Variants in COLEC12 observed in about 807,000 individuals in gnomAD.
COLEC12 encodes collectin subfamily member 12, also known as collectin-12.
A neutral mutation model predicts 71.1 loss-of-function variants in COLEC12; 33 were observed. That is an observed-to-expected ratio of 0.46 (90% confidence interval 0.35 to 0.62). The LOEUF (loss-of-function observed/expected upper bound fraction) is 0.62. Ranked by LOEUF, COLEC12 falls within the 20% of genes least tolerant of loss-of-function variation. The pLI, the probability that COLEC12 is intolerant of heterozygous loss-of-function variation, is 0.00. For synonymous variants in COLEC12, 350 were observed against 353.0 expected (o/e 0.99, Z 0.10); for missense variants, 765 against 916.1 (o/e 0.84, Z 2.13).
Position 346,148 on chromosome 18 carries a change from C to G in COLEC12, c.1327+147G>C. The stretch of plus-strand genomic sequence containing the variant: ...CCTCATGAAAAACAGTGAGTCAGGA[C>G]CATCTAGCTAAGCTGCTCTTGAATT... On this transcript the variant is annotated intron_variant, in intron 5 of 9. Transcript: ENST00000400256. This position sits in a 1 kb window ranked among gnomAD's most constrained non-coding sequence, Gnocchi z 4.0. 1 of 638,708 alleles carries G rather than the reference C, an allele frequency of 1.6e-6. No individual in the cohort carries two copies. The allele number at this position is 638,708 out of a possible 1,614,324, so 39.6% of individuals were successfully genotyped here.
intron 2 of COLEC12, among the ~76,000 whole-genome samples, chr18:383,298 G>A (rs1915274208): frequency 6.6e-6 from 1 of 152,196 alleles, no homozygotes; most frequent in Non-Finnish European, 1.5e-5. Context: ...GTAGTAGCAT[G>A]AGTAAGAGTT....
intron 2 of COLEC12, among the ~76,000 whole-genome samples, chr18:454,461 C>T (rs1479493223): frequency 2.0e-5 from 3 of 152,192 alleles, no homozygotes; most frequent in Non-Finnish European, 4.4e-5. Flanking sequence ...GCAGGTGAAT[C>T]ACCTGAGGTC....
chr18:367,723 G>A (rs755383257), intron 2 of COLEC12, among the ~76,000 whole-genome samples: 7 of 152,182 alleles, frequency 4.6e-5, no homozygotes, highest in Admixed American at 1.3e-4. Flanking sequence ...ATTGGCCCAC[G>A]ACGCCTGTGA....
intron 1 of COLEC12, among the ~76,000 whole-genome samples, chr18:487,395 A>C (rs9941418): frequency 0.29 from 44,244 of 152,160 alleles, 7,145 homozygotes; most frequent in Middle Eastern, 0.38. Flanking sequence ...AATTGATTAT[A>C]ATGATGAATA....
intron 8 of COLEC12, among the ~76,000 whole-genome samples, chr18:322,718 G>T (rs925778620): frequency 3.3e-5 from 5 of 152,118 alleles, no homozygotes; most frequent in African/African-American, 1.2e-4. Flanking sequence ...CTGCAGCGGA[G>T]GGTGCTTCCT....
chr18:398,387 C>G (rs1368048850), intron 2 of COLEC12, among the ~76,000 whole-genome samples: 1 of 152,206 alleles, frequency 6.6e-6, no homozygotes, highest in Admixed American at 6.5e-5. Context: ...TGAAAGGAAC[C>G]AGCAGCAAAT....
At chr18:465,994 G>A (rs1402081287) in intron 2 of COLEC12, among the ~76,000 whole-genome samples, 1 of 152,280 alleles carries the variant, frequency 6.6e-6, no homozygotes, top group Non-Finnish European at 1.5e-5. Flanking sequence ...CTTGAACCCA[G>A]GAGGTGGAGG....
intron 5 of COLEC12, among the ~76,000 whole-genome samples, chr18:339,273 A>G (rs535181870): frequency 6.2e-4 from 95 of 152,042 alleles, no homozygotes; most frequent in African/African-American, 2.3e-3. Context: ...CATTCATCCT[A>G]TTTCTTTCTG....
At chr18:425,802 G>C (rs981209348) in intron 2 of COLEC12, among the ~76,000 whole-genome samples, 2 of 152,180 alleles carry the variant, frequency 1.3e-5, no homozygotes, top group African/African-American at 4.8e-5. Flanking sequence ...TTTACAGCTT[G>C]CAGTAATAAT....
rs72859278 is a variant in COLEC12, at chr18:386,670, T to C, written c.59-29148A>G. On this transcript the variant is annotated intron_variant, in intron 2 of 9. Coordinates refer to ENST00000400256, the MANE Select transcript of COLEC12 (RefSeq NM_130386.3). ...GTTTAGAACATTTCTTGATGCTTCA[T>C]CTGGAAACATATATTACAGGAAAAG... Among the ~76,000 whole-genome samples the C allele has an allele frequency of 5.0e-3, 769 of 152,298 alleles. 1 individual carries two copies. Among genetic ancestry groups the C allele is most frequent in the Non-Finnish European group, 8.5e-3 (580 of 68,024 alleles).
intron 1 of COLEC12, among the ~76,000 whole-genome samples, chr18:486,343 C>T (rs12454419): frequency 0.037 from 5,644 of 152,246 alleles, 188 homozygotes; most frequent in Admixed American, 0.12. Flanking sequence ...CGCCATTATG[C>T]CTGCCTAATT....
chr18:342,399 A>G (rs577240840), intron 5 of COLEC12, among the ~76,000 whole-genome samples: 140 of 152,370 alleles, frequency 9.2e-4, no homozygotes, highest in Non-Finnish European at 1.7e-3. Context: ...TTCAGCTCCC[A>G]ATTCCTAATG....
intron 2 of COLEC12, among the ~76,000 whole-genome samples, chr18:428,941 G>C (rs17564068): frequency 0.19 from 28,644 of 152,172 alleles, 2,967 homozygotes; most frequent in Middle Eastern, 0.24. Context: ...TTTTTAACCA[G>C]ATGGAAGGCT....
intron 2 of COLEC12, among the ~76,000 whole-genome samples, chr18:414,293 C>T (rs112542243): frequency 2.0e-5 from 3 of 152,100 alleles, no homozygotes; most frequent in African/African-American, 7.2e-5. Flanking sequence ...AATAAATGAA[C>T]AAAAACCAAA....
At chr18:476,180 T>C (rs1203546171) in intron 2 of COLEC12, among the ~76,000 whole-genome samples, 1 of 152,200 alleles carries the variant, frequency 6.6e-6, no homozygotes, top group Non-Finnish European at 1.5e-5. Flanking sequence ...AAATAATTTT[T>C]CAGCAATCCC....
At chr18:445,655 A>G (rs1372563209) in intron 2 of COLEC12, among the ~76,000 whole-genome samples, 1 of 86,886 alleles carries the variant, frequency 1.2e-5, no homozygotes, top group Admixed American at 1.3e-4. Context: ...TTTTTGAGAC[A>G]AGGTTTTACT....
At chr18:463,705 C>T (rs1456960313) in intron 2 of COLEC12, among the ~76,000 whole-genome samples, 1 of 152,126 alleles carries the variant, frequency 6.6e-6, no homozygotes, top group Non-Finnish European at 1.5e-5. Context: ...TCTTTCGTAT[C>T]TTTCTTCTCT....
At chr18:394,758 G>A (rs1334557106) in intron 2 of COLEC12, among the ~76,000 whole-genome samples, 1 of 152,182 alleles carries the variant, frequency 6.6e-6, no homozygotes, top group Admixed American at 6.5e-5. Flanking sequence ...ATAATGAGTT[G>A]TCCGCAGAAG....
chr18:344,204 C>T (rs1173734431), intron 5 of COLEC12, among the ~76,000 whole-genome samples: 1 of 152,100 alleles, frequency 6.6e-6, no homozygotes, highest in Non-Finnish European at 1.5e-5. Flanking sequence ...TGCAACTGTC[C>T]AGCCCCTCCA....
Sources: allele counts gnomAD v4.1 joint callset (sites outside exome capture counted in the v4.1 genomes callset), GRCh38; gene constraint gnomAD v4.1.1; non-coding constraint Gnocchi (gnomAD v3.1); transcripts MANE v1.5; gene names NCBI Gene and HGNC (gene_info 2026-07-23, HGNC 2026-07-21).